The following KLK13 variants were observed in gnomAD, a reference collection of about 807,000 sequenced individuals.
The protein encoded by KLK13 is kallikrein related peptidase 13, also known as kallikrein-13.
Under a neutral mutation model 22.4 loss-of-function variants are expected in KLK13, and 19 were observed. That is an observed-to-expected ratio of 0.85 (90% confidence interval 0.59 to 1.24). KLK13 has a LOEUF of 1.24. KLK13 is among the 50% of genes most tolerant of loss of function. KLK13 has a pLI of 0.00. For missense variants in KLK13, 311 were observed against 347.9 expected (o/e 0.89, Z 0.84); for synonymous variants, 156 against 141.8 (o/e 1.10, Z -0.71).
In KLK13 at chr19:51,058,610, T is replaced by C. The variant is rs917493579; in HGVS notation, c.573A>G (p.Gln191=). The part of the protein sequence containing the change: ...IQLRSDEECR[Q]VYPGKITDNM... Reference sequence around the variant, plus strand: ...TGTCAGTGATCTTTCCTGGGTAGACTTGACGACACTCCTCATCTGAGCGAA... The same window carrying C: ...TGTCAGTGATCTTTCCTGGGTAGACCTGACGACACTCCTCATCTGAGCGAA... Residue 191 remains glutamine (Q), a synonymous_variant, in exon 4 of 5, where the codon CAA becomes CAG. Transcript: ENST00000595793. 12 of 1,614,048 alleles carry C rather than the reference T, an allele frequency of 7.4e-6. No homozygotes were observed. The highest frequency in any genetic ancestry group is 1.3e-5 in the African/African-American group (1 of 74,890).
chr19:51,060,336 C>A, intron 2 of KLK13, 97 bp downstream of exon 2: 1 of 1,327,278 alleles, frequency 7.5e-7, no homozygotes, highest in Non-Finnish European at 1.0e-6. Context: ...CCATCCCCAA[C>A]CCTAACTCCA....
At chr19:51,061,706 C>T (rs1032309345) in intron 1 of KLK13, among the ~76,000 whole-genome samples, 1 of 152,230 alleles carries the variant, frequency 6.6e-6, no homozygotes, top group Admixed American at 6.5e-5. Context: ...CCCTCCGATC[C>T]AGTCTTCTCA....
intron 1 of KLK13, among the ~76,000 whole-genome samples, chr19:51,061,217 CCAT>C (rs1325508772): frequency 2.7e-5 from 4 of 150,420 alleles, no homozygotes; most frequent in African/African-American, 9.8e-5. Context: ...ATCCATCCAT[CCAT>C]CCATCCATCC....
At chr19:51,058,114 G>T (rs2091692356) in intron 4 of KLK13, among the ~76,000 whole-genome samples, 1 of 152,176 alleles carries the variant, frequency 6.6e-6, no homozygotes, top group Non-Finnish European at 1.5e-5. Flanking sequence ...CGAGAATGAA[G>T]CCAAAACAGA....
chr19:51,064,842 G>T, intron 1 of KLK13, 174 bp downstream of exon 1: 1 of 630,266 alleles, frequency 1.6e-6, no homozygotes, highest in South Asian at 2.0e-5. Flanking sequence ...CCTCAGCCGG[G>T]AAACCAGGTC....
chr19:51,056,546 A>C lies in KLK13; in HGVS notation c.*41T>G. The stretch of plus-strand genomic sequence containing the variant: ...AAGGGCTAAGCAGACCATGTGAGGA[A>C]GTCATGGTGACAGGATGGAAGCCGG... On this transcript the variant is annotated 3_prime_UTR_variant, in exon 5 of 5. Transcript: ENST00000595793. 1 of 1,574,030 alleles carries C rather than the reference A, an allele frequency of 6.4e-7. No homozygotes were observed. Among genetic ancestry groups the C allele is most frequent in the Non-Finnish European group, 8.7e-7 (1 of 1,145,120 alleles).
chr19:51,056,213 GA>G lies in KLK13; in HGVS notation c.*373del. On this transcript the variant is annotated 3_prime_UTR_variant, in exon 5 of 5. Transcript: ENST00000595793. ...TGAAGAGTTAGAGGATGTTGTCAAG[GA>G]TGGTCCATTTATAGGACATATATTG... 1.0e-5 allele frequency: 2 copies of G among 197,158 alleles called. No individual in the cohort carries two copies. The highest frequency in any genetic ancestry group is 5.6e-5 in the Admixed American group (1 of 17,710). The allele number at this position is 197,158 out of a possible 1,614,324, so 12.2% of individuals were successfully genotyped here. A position where few individuals can be genotyped will look rare whatever the true frequency, so the allele number is the denominator to read the frequency against.
At position 51,059,819 on chromosome 19, in the gene KLK13, G is replaced by T; in HGVS notation, c.508+6C>A. ...GGGGCCTCAGGCCACCTGTGTGGGTGCATACCCTGGGGGCTGGTGGTGGTG... is the reference window on the plus strand; with the variant it reads ...GGGGCCTCAGGCCACCTGTGTGGGTTCATACCCTGGGGGCTGGTGGTGGTG... On this transcript the variant is annotated splice_donor_region_variant and intron_variant, in intron 3 of 4. Transcript: ENST00000595793. 6.3e-7 allele frequency: 1 copy of T among 1,596,186 alleles called. No individual in the cohort carries two copies. The highest frequency in any genetic ancestry group is 1.1e-5 in the South Asian group (1 of 88,508).
upstream of KLK13, among the ~76,000 whole-genome samples, chr19:51,065,555 T>C (rs903646634): frequency 2.6e-5 from 4 of 152,118 alleles, no homozygotes; most frequent in African/African-American, 9.7e-5. Context: ...GCTGCCCTTC[T>C]GCTTTCCCCA....
chr19:51,058,632 C>G lies in KLK13; in HGVS notation c.551G>C (p.Arg184Pro). Residue 184 changes from arginine (R) to proline (P), a missense_variant, in exon 4 of 5, where the codon CGC becomes CCC. Transcript: ENST00000595793. The part of the protein sequence containing the change: ...KTLQCANIQL[R>P]SDEECRQVYP... ...GACTTGACGACACTCCTCATCTGAG[C>G]GAAGTTGGATGTTGGCACATTGTAG... 6.2e-7 allele frequency: 1 copy of G among 1,614,054 alleles called. No homozygotes were observed. The highest frequency in any genetic ancestry group is 1.6e-4 in the Middle Eastern group (1 of 6,062).
Position 51,064,595 on chromosome 19 carries a change from T to C in KLK13, c.52+421A>G, listed in dbSNP as rs183416626. The C allele has an allele frequency of 7.3e-4, 379 of 517,714 alleles. 3 individuals carry two copies. The highest frequency in any genetic ancestry group is 5.5e-3 in the African/African-American group (286 of 52,344). 32.1% of individuals were successfully genotyped at this position (517,714 alleles called of 1,614,324 possible). ...GCGACATACTGAAGGCTCGACGCAT[T>C]ACCTCGTTTCAATATTCACAGTGAC... On this transcript the variant is annotated intron_variant, in intron 1 of 4. Transcript: ENST00000595793.
At chr19:51,056,981 A>T (rs1008928265) in intron 4 of KLK13, among the ~76,000 whole-genome samples, 1 of 152,240 alleles carries the variant, frequency 6.6e-6, no homozygotes, top group African/African-American at 2.4e-5. Flanking sequence ...ACAGAGGGAC[A>T]GACAGCAAGA....
At chr19:51,065,181 T>A, upstream of KLK13, 2 of 677,986 alleles carry the variant, frequency 2.9e-6, no homozygotes, top group South Asian at 4.1e-5. Context: ...CTCCTGAATG[T>A]CTCCTCGCCT....
In KLK13 at chr19:51,061,705, C is replaced by G. The variant is rs374222011; in HGVS notation, c.53-1086G>C. ...CCTTCCACTTTTACATCCCTCCGAT[C>G]CAGTCTTCTCAAAGTAGGCTGAGGA... On this transcript the variant is annotated intron_variant, in intron 1 of 4. Transcript: ENST00000595793. 2.7e-4 allele frequency among the ~76,000 whole-genome samples: 41 copies of G among 152,356 alleles called. 7 individuals carry two copies. The highest frequency in any genetic ancestry group is 2.5e-3 in the South Asian group (12 of 4,826).
In KLK13 at chr19:51,058,525, C is replaced by T. The variant is rs577188451; in HGVS notation, c.645+13G>A. Reference sequence around the variant, plus strand: ...TATCCTGTCCAAGGCACCCACCAGCCTCCCGGCCTCACCTCACAGGAGTCT... The same window carrying T: ...TATCCTGTCCAAGGCACCCACCAGCTTCCCGGCCTCACCTCACAGGAGTCT... On this transcript the variant is annotated intron_variant, in intron 4 of 4. Coordinates refer to ENST00000595793, the MANE Select transcript of KLK13 (RefSeq NM_015596.3). 6.8e-6 allele frequency: 11 copies of T among 1,613,992 alleles called. No homozygotes were observed. Among genetic ancestry groups the T allele is most frequent in the Non-Finnish European group, 9.3e-6 (11 of 1,180,008 alleles).
upstream of KLK13, among the ~76,000 whole-genome samples, chr19:51,065,431 C>T (rs2091773641): frequency 1.3e-5 from 2 of 152,136 alleles, no homozygotes; most frequent in South Asian, 4.1e-4. Flanking sequence ...GGTCTGTCCA[C>T]ACGCTTGGTA....
chr19:51,058,791 A>T, intron 3 of KLK13, 117 bp from the exon 4 acceptor site: 5 of 991,610 alleles, frequency 5.0e-6, no homozygotes, highest in Non-Finnish European at 7.8e-6. Flanking sequence ...GGGAAGAGAA[A>T]GATGGGAGAA....
intron 1 of KLK13, 61 bp downstream of exon 1, chr19:51,064,955 C>G: frequency 6.9e-7 from 1 of 1,454,752 alleles, no homozygotes; most frequent in Non-Finnish European, 9.4e-7. Context: ...CCCCCTCCGG[C>G]CTGACCCCTC....
Position 51,058,691 on chromosome 19 carries a change from G to A in KLK13, c.509-17C>T. On this transcript the variant is annotated splice_polypyrimidine_tract_variant and intron_variant, in intron 3 of 4. Coordinates refer to ENST00000595793, the MANE Select transcript of KLK13 (RefSeq NM_015596.3). Reference sequence around the variant, plus strand: ...GGTAATTCACTGGGGAGAAGAAAGAGAAGGTCTAAGGTATCCGACCTGGAT... The same window carrying A: ...GGTAATTCACTGGGGAGAAGAAAGAAAAGGTCTAAGGTATCCGACCTGGAT... 6.2e-7 allele frequency: 1 copy of A among 1,614,086 alleles called. No homozygotes were observed. Among genetic ancestry groups the A allele is most frequent in the Non-Finnish European group, 8.5e-7 (1 of 1,179,936 alleles).
Sources: allele counts gnomAD v4.1 joint callset (sites outside exome capture counted in the v4.1 genomes callset), GRCh38; gene constraint gnomAD v4.1.1; transcripts MANE v1.5; gene names NCBI Gene and HGNC (gene_info 2026-07-23, HGNC 2026-07-21).